The following ARPP21 variants were observed in gnomAD, a reference collection of about 807,000 sequenced individuals.
ARPP21 encodes cAMP regulated phosphoprotein 21, also known as cAMP-regulated phosphoprotein 21.
ARPP21 carries 69 observed loss-of-function variants against 113.2 expected under a neutral mutation model. That is an observed-to-expected ratio of 0.61 (90% confidence interval 0.50 to 0.74). ARPP21 has a LOEUF of 0.74. ARPP21 is among the 30% of genes least tolerant of loss of function. The probability of loss-of-function intolerance (pLI) is 0.00; values close to 1 mark genes in which losing one functional copy is unlikely to be tolerated. For synonymous variants in ARPP21, 368 were observed against 375.5 expected (o/e 0.98, Z 0.23); for missense variants, 1,070 against 1,037.4 (o/e 1.03, Z -0.43).
intron 19 of ARPP21, among the ~76,000 whole-genome samples, chr3:35,790,224 A>G (rs1243047105): frequency 6.6e-6 from 1 of 152,214 alleles, no homozygotes; most frequent in Non-Finnish European, 1.5e-5. Flanking sequence ...AGCCAGAAGT[A>G]AGGCCTTATT....
intron 18 of ARPP21, among the ~76,000 whole-genome samples, chr3:35,742,887 A>G (rs2094759783): frequency 1.3e-5 from 2 of 152,206 alleles, no homozygotes; most frequent in Non-Finnish European, 2.9e-5. Flanking sequence ...AAAATAATTA[A>G]CTAAGATCAG....
intron 18 of ARPP21, among the ~76,000 whole-genome samples, 164 bp downstream of exon 18, chr3:35,739,741 G>A (rs983081301): frequency 1.1e-4 from 16 of 152,128 alleles, no homozygotes; most frequent in African/African-American, 3.9e-4. Context: ...TGCATCAGTT[G>A]TTCAAAGTTA....
At chr3:35,790,242 C>T (rs2096721408) in intron 19 of ARPP21, among the ~76,000 whole-genome samples, 1 of 152,210 alleles carries the variant, frequency 6.6e-6, no homozygotes, top group Non-Finnish European at 1.5e-5. Flanking sequence ...ATTATATTCA[C>T]AATTATATGG....
At chr3:35,653,190 A>G (rs1290993515) in intron 1 of ARPP21, among the ~76,000 whole-genome samples, 4 of 152,016 alleles carry the variant, frequency 2.6e-5, no homozygotes, top group Non-Finnish European at 5.9e-5. Context: ...TAATGTCCAT[A>G]CCTATCTACT....
At chr3:35,688,873 A>G (rs1449539297) in intron 6 of ARPP21, among the ~76,000 whole-genome samples, 2 of 127,270 alleles carry the variant, frequency 1.6e-5, no homozygotes, top group Non-Finnish European at 3.3e-5. Flanking sequence ...CTCATAACAG[A>G]ACATTCATTT....
chr3:35,771,731 G>A (rs1252108214), intron 19 of ARPP21, among the ~76,000 whole-genome samples: 2 of 152,158 alleles, frequency 1.3e-5, no homozygotes, highest in African/African-American at 2.4e-5. Flanking sequence ...AGAATGTGCA[G>A]GGTAAGCAAA....
At chr3:35,667,324 T>A (rs2074630119) in intron 1 of ARPP21, among the ~76,000 whole-genome samples, 1 of 152,222 alleles carries the variant, frequency 6.6e-6, no homozygotes, top group African/African-American at 2.4e-5. Context: ...GTGGTAGTGA[T>A]AATGATAATG....
chr3:35,747,344 G>C (rs2095125299), intron 19 of ARPP21, among the ~76,000 whole-genome samples: 1 of 121,876 alleles, frequency 8.2e-6, no homozygotes, highest in Non-Finnish European at 1.6e-5. Flanking sequence ...CTGGGCAACA[G>C]AGCAAGACTC....
intron 18 of ARPP21, among the ~76,000 whole-genome samples, chr3:35,743,409 C>T (rs2150866277): frequency 6.6e-6 from 1 of 152,302 alleles, no homozygotes; most frequent in Non-Finnish European, 1.5e-5. Flanking sequence ...GCTGGGGTGG[C>T]TTGACTAGGG....
chr3:35,664,407 G>A (rs1390268224), intron 1 of ARPP21, among the ~76,000 whole-genome samples: 1 of 152,034 alleles, frequency 6.6e-6, no homozygotes, highest in Non-Finnish European at 1.5e-5. Context: ...TTCCTCCTGA[G>A]TGTAACTTTG....
intron 14 of ARPP21, among the ~76,000 whole-genome samples, chr3:35,727,770 C>T (rs1219521395): frequency 6.6e-6 from 1 of 152,130 alleles, no homozygotes; most frequent in Non-Finnish European, 1.5e-5. Flanking sequence ...TGTGTTTTCT[C>T]TTGGCTTCTC....
chr3:35,727,523 C>T (rs1255265897), intron 14 of ARPP21, among the ~76,000 whole-genome samples: 1 of 152,162 alleles, frequency 6.6e-6, no homozygotes, highest in African/African-American at 2.4e-5. Context: ...ATGTTCCTAT[C>T]ACTTATTTTA....
At chr3:35,681,400 T>C (rs749340875) in intron 2 of ARPP21, 76 of 175,104 alleles carry the variant, frequency 4.3e-4, no homozygotes, top group Non-Finnish European at 7.9e-4. Flanking sequence ...TCCTCTTTTG[T>C]TGCTTCTTCT....
chr3:35,759,590 A>C (rs959975663), intron 19 of ARPP21, among the ~76,000 whole-genome samples: 14 of 152,042 alleles, frequency 9.2e-5, no homozygotes, highest in African/African-American at 3.4e-4. Context: ...AGTCTTCCGC[A>C]TAAGTAGAAA....
At position 35,737,319 on chromosome 3, in the gene ARPP21, TC is replaced by T. The variant is rs756748758; in HGVS notation, c.1603del (p.Gln535SerfsTer49). 14 of 1,612,124 alleles carry T rather than the reference TC, an allele frequency of 8.7e-6. No individual in the cohort carries two copies. In the East Asian group the frequency reaches 2.9e-4, roughly 33 times the overall value. ...QQPSPQPQQQ[V>X]QPPQPQMAGP... Reference sequence around the variant, plus strand: ...CCCTCCCCGCAGCCCCAACAGCAGGTCCAGCCACCGCAGCCACAGATGGCAG... The same window carrying T: ...CCCTCCCCGCAGCCCCAACAGCAGGTCAGCCACCGCAGCCACAGATGGCAG... On this transcript the variant is annotated frameshift_variant, in exon 16 of 21. Coordinates refer to ENST00000684406, the MANE Select transcript of ARPP21 (RefSeq NM_001385562.1). LOFTEE classifies it high-confidence loss of function.
At chr3:35,696,999 G>A (rs62259472) in intron 9 of ARPP21, among the ~76,000 whole-genome samples, 6 of 151,528 alleles carry the variant, frequency 4.0e-5, no homozygotes, top group Non-Finnish European at 5.9e-5. Flanking sequence ...CACTTAGAGT[G>A]TACCATTGGA....
At chr3:35,687,959 A>T (rs2081097667) in intron 6 of ARPP21, 76 bp downstream of exon 6, 1 of 1,364,044 alleles carries the variant, frequency 7.3e-7, no homozygotes, top group Non-Finnish European at 1.0e-6. Flanking sequence ...TAGATTTCAC[A>T]TGCATATTCA....
chr3:35,749,431 CAAAAAA>C (rs61007987), intron 19 of ARPP21, among the ~76,000 whole-genome samples: 47 of 100,784 alleles, frequency 4.7e-4, no homozygotes, highest in African/African-American at 1.4e-3. Flanking sequence ...TTCCTAAAAG[CAAAAAA>C]AAAAAAAAAA....
chr3:35,674,502 T>C (rs1053055486), intron 1 of ARPP21, among the ~76,000 whole-genome samples: 4 of 151,836 alleles, frequency 2.6e-5, no homozygotes, highest in Non-Finnish European at 4.4e-5. Flanking sequence ...TGGATTGTAA[T>C]TAATTGTTCC....
Sources: allele counts gnomAD v4.1 joint callset (sites outside exome capture counted in the v4.1 genomes callset), GRCh38; gene constraint gnomAD v4.1.1; transcripts MANE v1.5; gene names NCBI Gene and HGNC (gene_info 2026-07-23, HGNC 2026-07-21).